Variants in SPACA6 observed in about 807,000 individuals in gnomAD.
SPACA6 encodes the protein sperm acrosome membrane-associated protein 6.
For missense variants in SPACA6, 8 were observed against 2.8 expected (o/e 2.88, Z -1.34); for synonymous variants, 6 against 1.5 (o/e 4.05, Z -2.21).
chr19:51,701,258 G>T (rs1024719100), intron 2 of SPACA6, among the ~76,000 whole-genome samples: 15 of 152,158 alleles, frequency 9.9e-5, no homozygotes, highest in Non-Finnish European at 1.5e-4. Flanking sequence ...TGGGCAGTAG[G>T]GATGGGACAG....
rs2083393779 is a variant in SPACA6 at position 51,693,490 on chromosome 19, G to T, written c.-37G>T. 1.9e-6 allele frequency: 1 copy of T among 519,814 alleles called. No homozygotes were observed. Among genetic ancestry groups the T allele is most frequent in the Non-Finnish European group, 3.6e-6 (1 of 278,262 alleles). 32.2% of individuals were successfully genotyped at this position (519,814 alleles called of 1,614,324 possible). ...CCCCGCCCTGTGGTGACTTCATAAAGGTTACTAGCTTCTCCCCTGGCCTTG... is the reference window on the plus strand; with the variant it reads ...CCCCGCCCTGTGGTGACTTCATAAATGTTACTAGCTTCTCCCCTGGCCTTG... On this transcript the variant is annotated 5_prime_UTR_variant, in exon 1 of 9. In the 5' UTR this introduces an upstream ATG that the reference lacks. Transcript: ENST00000637797.
chr19:51,702,529 T>C lies in SPACA6; in HGVS notation c.362-100T>C, dbSNP rs2083477157. The C allele has an allele frequency of 2.0e-5, 8 of 393,258 alleles. No individual in the cohort carries two copies. In the Middle Eastern group the frequency reaches 2.5e-3, roughly 125 times the overall value. 24.4% of individuals were successfully genotyped at this position (393,258 alleles called of 1,614,324 possible). ...ATGACGAAAGCTTGGCCCCGCCCCCTCGGAGCAATGCTTCGGGCCTTGTAA... is the reference window on the plus strand; with the variant it reads ...ATGACGAAAGCTTGGCCCCGCCCCCCCGGAGCAATGCTTCGGGCCTTGTAA... On this transcript the variant is annotated intron_variant, in intron 3 of 8. Transcript: ENST00000637797.
downstream of SPACA6, among the ~76,000 whole-genome samples, chr19:51,709,065 T>C (rs1168375202): frequency 1.3e-5 from 2 of 151,804 alleles, no homozygotes; most frequent in Non-Finnish European, 2.9e-5. Flanking sequence ...GACTTACCTC[T>C]GTAAGAGATG....
At position 51,703,864 on chromosome 19, in the gene SPACA6, G is replaced by T. The variant is rs1048917844; in HGVS notation, c.574-166G>T. On this transcript the variant is annotated intron_variant, in intron 6 of 8. Coordinates refer to ENST00000637797, the MANE Select transcript of SPACA6 (RefSeq NM_001316972.2). The surrounding 1 kb of genome is among the most constrained non-coding windows in gnomAD (Gnocchi z 4.2). ...TAGGTTATGCGTAAGGGTTTAAGGA[G>T]TGAGGGGAAGGGGTGCGTTTAGGGC... The T allele has an allele frequency of 5.0e-6, 2 of 397,164 alleles. No homozygotes were observed. The highest frequency in any genetic ancestry group is 8.8e-5 in the Admixed American group (2 of 22,690). 24.6% of individuals were successfully genotyped at this position (397,164 alleles called of 1,614,324 possible).
At chr19:51,706,183 C>T (rs1236451933), downstream of SPACA6, among the ~76,000 whole-genome samples, 3 of 152,100 alleles carry the variant, frequency 2.0e-5, no homozygotes, top group African/African-American at 4.8e-5. Flanking sequence ...TCTTGCCACC[C>T]TGCGGTTTTT....
At chr19:51,706,378 G>T (rs935363551), downstream of SPACA6, among the ~76,000 whole-genome samples, 1 of 151,990 alleles carries the variant, frequency 6.6e-6, no homozygotes, top group African/African-American at 2.4e-5. Flanking sequence ...AAGTCTGCGC[G>T]GCTGGCACTG....
At chr19:51,688,906 A>G (rs1178697186), upstream of SPACA6, among the ~76,000 whole-genome samples, 1 of 70,236 alleles carries the variant, frequency 1.4e-5, no homozygotes, top group East Asian at 2.2e-4. Context: ...AAAGAGGGAG[A>G]GAGAGAGAGA....
At chr19:51,685,699 A>G (rs1386862923), upstream of SPACA6, 1 of 152,128 alleles carries the variant, frequency 6.6e-6, no homozygotes, top group Non-Finnish European at 1.5e-5. Context: ...TTTTTATTGT[A>G]GAGATGGGAA....
chr19:51,709,531 C>CAAAAAAAAAAAAAA (rs56170768), downstream of SPACA6, among the ~76,000 whole-genome samples: 1 of 54,462 alleles, frequency 1.8e-5, no homozygotes, highest in African/African-American at 7.0e-5. Context: ...AAAAAAAAGG[C>CAAAAAAAAAAAAAA]AAAAAAAAAA....
chr19:51,688,944 G>GAGAGGGAA (rs2083344158), upstream of SPACA6, among the ~76,000 whole-genome samples: 1 of 150,792 alleles, frequency 6.6e-6, no homozygotes, highest in African/African-American at 2.4e-5. Flanking sequence ...GAGGGAGGGA[G>GAGAGGGAA]AGAGGGAGAG....
At chr19:51,699,257 C>A (rs1054555534) in intron 2 of SPACA6, among the ~76,000 whole-genome samples, 1 of 152,194 alleles carries the variant, frequency 6.6e-6, no homozygotes, top group Admixed American at 6.5e-5. Context: ...GATCCTGTCA[C>A]CTCAGCCTCC....
chr19:51,695,371 G>A (rs560244715), intron 2 of SPACA6, among the ~76,000 whole-genome samples: 1 of 152,312 alleles, frequency 6.6e-6, no homozygotes, highest in Non-Finnish European at 1.5e-5. Flanking sequence ...GTGGAGGCTC[G>A]GAGTTGCAGG....
chr19:51,696,636 A>ATGG (rs1485937828), intron 2 of SPACA6, among the ~76,000 whole-genome samples: 1 of 151,646 alleles, frequency 6.6e-6, no homozygotes, highest in Non-Finnish European at 1.5e-5. Context: ...GTTTGTAATG[A>ATGG]TGGTGTCTTG....
chr19:51,702,942 T>G (rs2083481030), intron 4 of SPACA6, 79 bp from the exon 5 acceptor site: 1 of 398,994 alleles, frequency 2.5e-6, no homozygotes, highest in Non-Finnish European at 4.4e-6. Context: ...CCCGGGAAGC[T>G]GCATGGATCT....
chr19:51,694,610 T>A (rs1440614442), intron 2 of SPACA6, 55 bp downstream of exon 2: 1 of 398,428 alleles, frequency 2.5e-6, no homozygotes, highest in African/African-American at 2.1e-5. Flanking sequence ...CCCTAAGAAA[T>A]GGGTATGTGG....
downstream of SPACA6, among the ~76,000 whole-genome samples, chr19:51,706,062 C>T (rs1388396474): frequency 6.6e-6 from 1 of 152,172 alleles, no homozygotes; most frequent in African/African-American, 2.4e-5. Flanking sequence ...TAGTGACTCC[C>T]TGTTGCCATT....
rs2083409320 is a variant in SPACA6, at chr19:51,694,519, A to G, written c.256A>G (p.Met86Val). ...RSHLHDTFTQMTHALQELAAA... is the reference protein window; with the variant it reads ...RSHLHDTFTQVTHALQELAAA... Reference sequence around the variant, plus strand: ...CCACCTGCATGACACCTTCACCCAGATGACCCATGCCCTGCAGGAGCTGGC... The same window carrying G: ...CCACCTGCATGACACCTTCACCCAGGTGACCCATGCCCTGCAGGAGCTGGC... Residue 86 changes from methionine to valine, a missense_variant, in exon 2 of 9, where the codon ATG becomes GTG. Met to Val is a conservative substitution (Grantham distance 21). Transcript: ENST00000637797. 1 of 399,632 alleles carries G rather than the reference A, an allele frequency of 2.5e-6. No individual in the cohort carries two copies. The highest frequency in any genetic ancestry group is 4.4e-6 in the Non-Finnish European group (1 of 226,496). The allele number at this position is 399,632 out of a possible 1,614,324, so 24.8% of individuals were successfully genotyped here. A position where few individuals can be genotyped will look rare whatever the true frequency, so the allele number is the denominator to read the frequency against.
upstream of SPACA6, chr19:51,689,112 G>GCCGGCCCCGCCGCCTCCCGGCCTCTT (rs1394518353): frequency 1.3e-5 from 2 of 151,592 alleles, no homozygotes. Context: ...GAGCGGGAGC[G>GCCGGCCCCGCCGCCTCCCGGCCTCTT]CCGGCCCCGC....
intron 2 of SPACA6, among the ~76,000 whole-genome samples, chr19:51,695,073 C>G (rs1029967878): frequency 6.6e-6 from 1 of 151,156 alleles, no homozygotes; most frequent in African/African-American, 2.4e-5. Flanking sequence ...CACTCACACT[C>G]ACACACACAC....
Sources: gnomAD v4.1 joint callset for allele counts (sites outside exome capture counted in the v4.1 genomes callset) on GRCh38, gnomAD v4.1.1 for gene constraint, Gnocchi (gnomAD v3.1) non-coding constraint, MANE v1.5 for transcripts, NCBI Gene and HGNC (gene_info 2026-07-23, HGNC 2026-07-21) for gene names.